The following CD58 variants were observed in gnomAD, a reference collection of about 807,000 sequenced individuals.
CD58 encodes the protein lymphocyte function-associated antigen 3.
A neutral mutation model predicts 27.6 loss-of-function variants in CD58; 14 were observed. The observed-to-expected ratio is 0.51, with a 90% CI of 0.34 to 0.79. The LOEUF is 0.79. Among genes scored for constraint, CD58 ranks in the 30% least tolerant of loss-of-function variants. The probability of loss-of-function intolerance (pLI) is 0.02; values close to 1 mark genes in which losing one functional copy is unlikely to be tolerated. For synonymous variants in CD58, 117 were observed against 103.8 expected, an observed-to-expected ratio of 1.13 and a Z score of -0.77; for missense variants, 268 against 301.7, an observed-to-expected ratio of 0.89 and a Z score of 0.83.
chr1:116,552,558 G>T lies in CD58; in HGVS notation c.71-7954C>A, dbSNP rs1443492697. On this transcript the variant is annotated intron_variant, in intron 1 of 5. Coordinates refer to ENST00000369489, the MANE Select transcript of CD58 (RefSeq NM_001779.3). This position sits in a 1 kb window ranked among gnomAD's most constrained non-coding sequence, Gnocchi z 4.5. The stretch of plus-strand genomic sequence containing the variant: ...GCAATAAAAGGAGGTGTGCCTGAGG[G>T]ATTTACCATTCTTTAATAAAAATGG... Among the ~76,000 whole-genome samples, 2 of 152,158 alleles carry T rather than the reference G, an allele frequency of 1.3e-5. No individual in the cohort carries two copies. The highest frequency in any genetic ancestry group is 4.8e-5 in the African/African-American group (2 of 41,436).
rs765748809 is a variant in CD58 at position 116,550,980 on chromosome 1, G to A, written c.71-6376C>T. On this transcript the variant is annotated intron_variant, in intron 1 of 5. Transcript: ENST00000369489. This position sits in a 1 kb window ranked among gnomAD's most constrained non-coding sequence, Gnocchi z 4.2. ...TGAATCTTTTTTTTCTAAGCAGTAA[G>A]TATTAACAGTGGGCTTACAATATTC... Among the ~76,000 whole-genome samples the A allele has an allele frequency of 2.6e-5, 4 of 152,110 alleles. No homozygotes were observed. The highest frequency in any genetic ancestry group is 4.4e-5 in the Non-Finnish European group (3 of 68,014).
Position 116,557,740 on chromosome 1 carries a change from C to A in CD58, c.71-13136G>T, listed in dbSNP as rs765535310. ...CCAGGTTGGTGTGCAGTGGTGCAAT[C>A]GTGGCTCACTGTAGCTTCAACCTCC... is the stretch of plus-strand genomic sequence containing the variant. On this transcript the variant is annotated intron_variant, in intron 1 of 5. Coordinates refer to ENST00000369489, the MANE Select transcript of CD58 (RefSeq NM_001779.3). This position sits in a 1 kb window ranked among gnomAD's most constrained non-coding sequence, Gnocchi z 5.2. Among the ~76,000 whole-genome samples the A allele has an allele frequency of 6.6e-6, 1 of 151,664 alleles. No individual in the cohort carries two copies. Among genetic ancestry groups the A allele is most frequent in the African/African-American group, 2.4e-5 (1 of 41,238 alleles).
Position 116,521,821 on chromosome 1 carries a change from C to G in CD58, c.706+85G>C, listed in dbSNP as rs1657271939. Reference sequence around the variant, plus strand: ...CTTTTCAAATGTCTAAAATTTCAAACTTTATTTTCATCCTTAAACTATTTT... The same window carrying G: ...CTTTTCAAATGTCTAAAATTTCAAAGTTTATTTTCATCCTTAAACTATTTT... On this transcript the variant is annotated intron_variant, in intron 4 of 5. Transcript: ENST00000369489. This position sits in a 1 kb window ranked among gnomAD's most constrained non-coding sequence, Gnocchi z 5.6. 1.1e-6 allele frequency: 1 copy of G among 898,106 alleles called. No homozygotes were observed. The highest frequency in any genetic ancestry group is 1.7e-5 in the African/African-American group (1 of 58,910). The allele number at this position is 898,106 out of a possible 1,614,324, so 55.6% of individuals were successfully genotyped here.
At chr1:116,569,917 A>AGGG (rs1659083205) in intron 1 of CD58, among the ~76,000 whole-genome samples, 2 of 152,076 alleles carry the variant, frequency 1.3e-5, no homozygotes, top group African/African-American at 4.8e-5. Flanking sequence ...CTCTTACAAC[A>AGGG]CTGACTTATC....
chr1:116,560,609 T>C (rs528340479), intron 1 of CD58, among the ~76,000 whole-genome samples: 41 of 152,338 alleles, frequency 2.7e-4, no homozygotes, highest in Non-Finnish European at 4.9e-4. Flanking sequence ...AGGAAGAAAA[T>C]GTTCAAGAAA....
rs188999391 is a variant in CD58, at chr1:116,529,399, A to G, written c.628+6566T>C. 1.3e-3 allele frequency among the ~76,000 whole-genome samples: 197 copies of G among 152,380 alleles called. 1 individual carries two copies. Among genetic ancestry groups the G allele is most frequent in the Non-Finnish European group, 1.6e-3 (110 of 68,028 alleles). On this transcript the variant is annotated intron_variant, in intron 3 of 5. Transcript: ENST00000369489. ...ATAATTGCTCACTAGCTTTCTTTCC[A>G]TCTCCCAATGCCTTGGAGCTGCAAT...
At chr1:116,537,473 G>T (rs1222456338) in intron 2 of CD58, among the ~76,000 whole-genome samples, 1 of 152,216 alleles carries the variant, frequency 6.6e-6, no homozygotes, top group Non-Finnish European at 1.5e-5. Flanking sequence ...TTTGTGAAAG[G>T]TGGAGCTACA....
At position 116,519,758 on chromosome 1, in the gene CD58, G is replaced by A. The variant is rs570989095; in HGVS notation, c.707-491C>T. Among the ~76,000 whole-genome samples the A allele has an allele frequency of 4.7e-4, 72 of 151,868 alleles. No homozygotes were observed. The highest frequency in any genetic ancestry group is 1.1e-3 in the African/African-American group (46 of 41,396). On this transcript the variant is annotated intron_variant, in intron 4 of 5. Transcript: ENST00000369489. The surrounding 1 kb of genome is among the most constrained non-coding windows in gnomAD (Gnocchi z 4.7). The stretch of plus-strand genomic sequence containing the variant: ...AGATATTTTATATTCTTTCACACAC[G>A]GTCTTAGAAACATATTATTTTACAC...
chr1:116,516,478 G>A lies in CD58; in HGVS notation c.744-1656C>T, dbSNP rs377384085. On this transcript the variant is annotated intron_variant, in intron 5 of 5. Transcript: ENST00000369489. The surrounding 1 kb of genome is among the most constrained non-coding windows in gnomAD (Gnocchi z 6.1). ...ATGTTCCTGCTCAAGAACCTATAAT[G>A]GCTGCTTATTTCCATATCACTCCAT... 6.6e-6 allele frequency among the ~76,000 whole-genome samples: 1 copy of A among 152,132 alleles called. No homozygotes were observed. Among genetic ancestry groups the A allele is most frequent in the African/African-American group, 2.4e-5 (1 of 41,420 alleles).
chr1:116,567,980 G>A (rs1462470065), intron 1 of CD58, among the ~76,000 whole-genome samples: 1 of 144,444 alleles, frequency 6.9e-6, no homozygotes, highest in Non-Finnish European at 1.5e-5. Flanking sequence ...AAACAAGCAG[G>A]CAATCCACAT....
Position 116,528,717 on chromosome 1 carries a change from C to A in CD58, c.629-6734G>T, listed in dbSNP as rs952999686. Among the ~76,000 whole-genome samples, 2 of 152,220 alleles carry A rather than the reference C, an allele frequency of 1.3e-5. No homozygotes were observed. Among genetic ancestry groups the A allele is most frequent in the African/African-American group, 4.8e-5 (2 of 41,456 alleles). The stretch of plus-strand genomic sequence containing the variant: ...GAGAATGGTGAAGTGCACTGGGTTT[C>A]TTTACCTGGAAATAGCCTTTGACTC... On this transcript the variant is annotated intron_variant, in intron 3 of 5. Transcript: ENST00000369489. The surrounding 1 kb of genome is among the most constrained non-coding windows in gnomAD (Gnocchi z 4.4).
At position 116,534,192 on chromosome 1, in the gene CD58, C is replaced by A; in HGVS notation, c.628+1773G>T. On this transcript the variant is annotated intron_variant, in intron 3 of 5. Transcript: ENST00000369489. This position sits in a 1 kb window ranked among gnomAD's most constrained non-coding sequence, Gnocchi z 5.3. ...CGGGGAGCACACGCCGCCCATCTGG[C>A]TCGCACCGCACAGCTCCCAACAGCT... is the stretch of plus-strand genomic sequence containing the variant. 1.7e-6 allele frequency: 1 copy of A among 595,290 alleles called. No individual in the cohort carries two copies. The allele number at this position is 595,290 out of a possible 1,614,324, so 36.9% of individuals were successfully genotyped here. A position where few individuals can be genotyped will look rare whatever the true frequency, so the allele number is the denominator to read the frequency against.
intron 3 of CD58, chr1:116,533,446 A>C: frequency 1.3e-6 from 1 of 754,332 alleles, no homozygotes; most frequent in Non-Finnish European, 2.5e-6. Context: ...TTGGCAAAGC[A>C]GTCATTGGGT....
chr1:116,530,780 TC>T (rs1170467999), intron 3 of CD58, among the ~76,000 whole-genome samples: 1 of 151,816 alleles, frequency 6.6e-6, no homozygotes, highest in Non-Finnish European at 1.5e-5. Flanking sequence ...AAAAATCATC[TC>T]AGAAAAAAAA....
chr1:116,551,762 A>G (rs1658402249), intron 1 of CD58, among the ~76,000 whole-genome samples: 1 of 135,474 alleles, frequency 7.4e-6, no homozygotes, highest in Non-Finnish European at 1.5e-5. Flanking sequence ...TTCTTCAGAC[A>G]GAGTTTCATT....
chr1:116,518,984 G>A, intron 5 of CD58: 1 of 1,038,182 alleles, frequency 9.6e-7, no homozygotes, highest in East Asian at 2.8e-5. Context: ...TAAGCAAGGG[G>A]TATGATACTC....
rs922915156 is a variant in CD58, at chr1:116,552,997, AT to A, written c.71-8394del. ...CTTGGACTCCTGACAGCATTAGGTAATTTTTTTTTTATGTTTAATTTTTGGG... is the reference window on the plus strand; with the variant it reads ...CTTGGACTCCTGACAGCATTAGGTAATTTTTTTTTATGTTTAATTTTTGGG... On this transcript the variant is annotated intron_variant, in intron 1 of 5. Coordinates refer to ENST00000369489, the MANE Select transcript of CD58 (RefSeq NM_001779.3). The surrounding 1 kb of genome is among the most constrained non-coding windows in gnomAD (Gnocchi z 4.5). Among the ~76,000 whole-genome samples the A allele has an allele frequency of 2.3e-4, 35 of 149,708 alleles. No individual in the cohort carries two copies. Among genetic ancestry groups the A allele is most frequent in the South Asian group, 6.3e-4 (3 of 4,736 alleles).
chr1:116,535,722 T>C (rs1471376421), intron 3 of CD58, among the ~76,000 whole-genome samples: 1 of 128,530 alleles, frequency 7.8e-6, no homozygotes, highest in Non-Finnish European at 1.5e-5. Flanking sequence ...GCGCCTGTAG[T>C]CCCAGCTACT....
Position 116,550,140 on chromosome 1 carries a change from T to A in CD58, c.71-5536A>T, listed in dbSNP as rs539094706. Among the ~76,000 whole-genome samples, 2 of 152,232 alleles carry A rather than the reference T, an allele frequency of 1.3e-5. No individual in the cohort carries two copies. Among genetic ancestry groups the A allele is most frequent in the Admixed American group, 6.5e-5 (1 of 15,274 alleles). On this transcript the variant is annotated intron_variant, in intron 1 of 5. Transcript: ENST00000369489. This position sits in a 1 kb window ranked among gnomAD's most constrained non-coding sequence, Gnocchi z 4.2. ...GCTGCTGACTGATCAGGGTGTTGGT[T>A]GCTAAAGGCTGCAATGGCTGTGGCA...
Sources: allele counts gnomAD v4.1 joint callset (sites outside exome capture counted in the v4.1 genomes callset), GRCh38; gene constraint gnomAD v4.1.1; non-coding constraint Gnocchi (gnomAD v3.1); transcripts MANE v1.5; gene names NCBI Gene and HGNC (gene_info 2026-07-23, HGNC 2026-07-21).